Variants in KLF6 observed in about 807,000 individuals in gnomAD.
The protein encoded by KLF6 is KLF transcription factor 6.
For missense variants in KLF6, 233 were observed against 359.8 expected (o/e 0.65, Z 2.85); for synonymous variants, 152 against 147.9 (o/e 1.03, Z -0.20).
In KLF6 at chr10:3,780,025, G is replaced by T. The variant is rs967160785; in HGVS notation, c.800+81C>A. ...AAACTGCATGCCTTCCTTCGAATGT[G>T]CCCTGCACACCTACTCAACCCTGGT... On this transcript the variant is annotated intron_variant, in intron 3 of 3. Coordinates refer to ENST00000497571, the MANE Select transcript of KLF6 (RefSeq NM_001300.6). This position sits in a 1 kb window ranked among gnomAD's most constrained non-coding sequence, Gnocchi z 4.6. 3 of 1,546,104 alleles carry T rather than the reference G, an allele frequency of 1.9e-6. No individual in the cohort carries two copies. The highest frequency in any genetic ancestry group is 2.7e-5 in the African/African-American group (2 of 73,628).
At chr10:3,783,482 G>A (rs1447733722) in intron 1 of KLF6, among the ~76,000 whole-genome samples, 1 of 152,022 alleles carries the variant, frequency 6.6e-6, no homozygotes, top group Non-Finnish European at 1.5e-5. Flanking sequence ...CCTACCCCAG[G>A]GGCTCAGGCT....
intron 3 of KLF6, 98 bp from the exon 4 acceptor site, chr10:3,779,688 C>A (rs1564294720): frequency 1.8e-6 from 2 of 1,102,376 alleles, no homozygotes; most frequent in Admixed American, 1.9e-5. Context: ...CCCAGCCTAA[C>A]CCCCTGCAGG....
At position 3,778,474 on chromosome 10, in the gene KLF6, C is replaced by T. The variant is rs1169839393; in HGVS notation, c.*1065G>A. The T allele has an allele frequency of 3.8e-6, 2 of 525,512 alleles. No homozygotes were observed. The highest frequency in any genetic ancestry group is 4.1e-5 in the East Asian group (1 of 24,576). The allele number at this position is 525,512 out of a possible 1,614,324, so 32.6% of individuals were successfully genotyped here. A position where few individuals can be genotyped will look rare whatever the true frequency, so the allele number is the denominator to read the frequency against. ...GAAACATTAGACCAGCAATTCCCAG[C>T]CCCAGCTTTGTGACACTCAATACGT... On this transcript the variant is annotated 3_prime_UTR_variant, in exon 4 of 4. Coordinates refer to ENST00000497571, the MANE Select transcript of KLF6 (RefSeq NM_001300.6).
rs1383467654 is a variant in KLF6, at chr10:3,782,404, G to GT, written c.103-191dup. ...TTAGAGGAAATCTGTTTCTAGAATG[G>GT]TAAGAATTCAGAGGAAAAGTCGGAG... On this transcript the variant is annotated intron_variant, in intron 1 of 3. Coordinates refer to ENST00000497571, the MANE Select transcript of KLF6 (RefSeq NM_001300.6). This position sits in a 1 kb window ranked among gnomAD's most constrained non-coding sequence, Gnocchi z 4.3. Among the ~76,000 whole-genome samples the GT allele has an allele frequency of 6.6e-6, 1 of 152,248 alleles. No homozygotes were observed. The highest frequency in any genetic ancestry group is 1.5e-5 in the Non-Finnish European group (1 of 68,046).
rs1832622327 is a variant in KLF6, at chr10:3,785,098, G to A, written c.-84C>T. ...CCGGAGCCGAAAGTCTCCCCGGAGC[G>A]CAGGTGAAAGTTTCATGCAAACTCC... is the stretch of plus-strand genomic sequence containing the variant. On this transcript the variant is annotated 5_prime_UTR_variant, in exon 1 of 4. Coordinates refer to ENST00000497571, the MANE Select transcript of KLF6 (RefSeq NM_001300.6). The A allele has an allele frequency of 1.9e-6, 3 of 1,589,836 alleles. No individual in the cohort carries two copies. The highest frequency in any genetic ancestry group is 2.6e-6 in the Non-Finnish European group (3 of 1,169,214).
chr10:3,784,611 A>C (rs1018559230), intron 1 of KLF6, among the ~76,000 whole-genome samples: 3 of 151,912 alleles, frequency 2.0e-5, no homozygotes, highest in Admixed American at 6.6e-5. Context: ...CAAAAAAAAA[A>C]CACCTTGGCA....
rs776530522 is a variant in KLF6 at position 3,785,027 on chromosome 10, T to A, written c.-13A>T. 5 of 1,610,880 alleles carry A rather than the reference T, an allele frequency of 3.1e-6. No homozygotes were observed. The South Asian group carries it at 4.4e-5, about 14-fold the overall frequency. Reference sequence around the variant, plus strand: ...GGAGCACGTCCATGTCGGGCCGGGTTGGACGGAGCCCGCGGTCGCGAGGGC... The same window carrying A: ...GGAGCACGTCCATGTCGGGCCGGGTAGGACGGAGCCCGCGGTCGCGAGGGC... On this transcript the variant is annotated 5_prime_UTR_variant, in exon 1 of 4. Transcript: ENST00000497571.
At chr10:3,779,735 C>T in intron 3 of KLF6, 145 bp from the exon 4 acceptor site, 1 of 763,292 alleles carries the variant, frequency 1.3e-6, no homozygotes. Flanking sequence ...TCATCAGTGT[C>T]TTCAGGGACA....
At position 3,781,455 on chromosome 10, in the gene KLF6, T is replaced by C; in HGVS notation, c.676+186A>G. 6.5e-7 allele frequency: 1 copy of C among 1,536,326 alleles called. No individual in the cohort carries two copies. Among genetic ancestry groups the C allele is most frequent in the South Asian group, 1.2e-5 (1 of 82,234 alleles). ...GTTACACATTTATCCAACTCAAAAG[T>C]CCAGTCTTTAGGATTCTACTCTGAA... On this transcript the variant is annotated intron_variant, in intron 2 of 3. Transcript: ENST00000497571. This position sits in a 1 kb window ranked among gnomAD's most constrained non-coding sequence, Gnocchi z 5.8.
In KLF6 at chr10:3,777,117, C is replaced by T. The variant is rs759926664; in HGVS notation, c.*2422G>A. On this transcript the variant is annotated 3_prime_UTR_variant, in exon 4 of 4. Transcript: ENST00000497571. ...AATGAGTTTCTTAGGTAAATGTATT[C>T]ATCAGCCCAGATAAAAAAAAAACCA... The T allele has an allele frequency of 4.8e-5, 24 of 505,222 alleles. No individual in the cohort carries two copies. Among genetic ancestry groups the T allele is most frequent in the Middle Eastern group, 1.1e-3 (2 of 1,796 alleles). 31.3% of individuals were successfully genotyped at this position (505,222 alleles called of 1,614,324 possible). A position where few individuals can be genotyped will look rare whatever the true frequency, so the allele number is the denominator to read the frequency against.
rs878977269 is a variant in KLF6 at position 3,779,041 on chromosome 10, G to GT, written c.*497dup. On this transcript the variant is annotated 3_prime_UTR_variant, in exon 4 of 4. Coordinates refer to ENST00000497571, the MANE Select transcript of KLF6 (RefSeq NM_001300.6). ...CTTCTTTTTTTGTTTTTGTTTTTTT[G>GT]TTTTTTTGATTTTTCTTTTTTTTTC... is the stretch of plus-strand genomic sequence containing the variant. 9 of 525,290 alleles carry GT rather than the reference G, an allele frequency of 1.7e-5. No homozygotes were observed. Among genetic ancestry groups the GT allele is most frequent in the African/African-American group, 1.7e-4 (9 of 52,634 alleles). 32.5% of individuals were successfully genotyped at this position (525,290 alleles called of 1,614,324 possible).
chr10:3,777,916 T>G lies in KLF6; in HGVS notation c.*1623A>C. On this transcript the variant is annotated 3_prime_UTR_variant, in exon 4 of 4. Transcript: ENST00000497571. ...TGCCTTTTAAGCAAATACATTAACA[T>G]TGGGGGTTTTTTAATACTTCTGTAT... 2.0e-6 allele frequency: 1 copy of G among 488,086 alleles called. No individual in the cohort carries two copies. Among genetic ancestry groups the G allele is most frequent in the Non-Finnish European group, 4.0e-6 (1 of 248,082 alleles). The allele number at this position is 488,086 out of a possible 1,614,324, so 30.2% of individuals were successfully genotyped here. A position where few individuals can be genotyped will look rare whatever the true frequency, so the allele number is the denominator to read the frequency against.
In KLF6 at chr10:3,779,282, G is replaced by A. The variant is rs770375415; in HGVS notation, c.*257C>T. On this transcript the variant is annotated 3_prime_UTR_variant, in exon 4 of 4. Transcript: ENST00000497571. Reference sequence around the variant, plus strand: ...TAGCATTCTCAGTGTGCATGCTCACGGCAAAGGCTTAGGCGCCGCTCGGAA... The same window carrying A: ...TAGCATTCTCAGTGTGCATGCTCACAGCAAAGGCTTAGGCGCCGCTCGGAA... The A allele has an allele frequency of 6.4e-5, 41 of 639,780 alleles. No individual in the cohort carries two copies. The highest frequency in any genetic ancestry group is 6.4e-4 in the East Asian group (21 of 32,808). 39.6% of individuals were successfully genotyped at this position (639,780 alleles called of 1,614,324 possible).
In KLF6 at chr10:3,784,886, C is replaced by T. The variant is rs375160262; in HGVS notation, c.102+27G>A. On this transcript the variant is annotated intron_variant, in intron 1 of 3. Coordinates refer to ENST00000497571, the MANE Select transcript of KLF6 (RefSeq NM_001300.6). ...GACCCGGCCCGCGCCCCGGCGCCCG[C>T]AGGGAACCGCGGCCGGCTGCGTTTA... 606 of 1,588,292 alleles carry T rather than the reference C, an allele frequency of 3.8e-4. 1 individual carries two copies. The highest frequency in any genetic ancestry group is 4.7e-4 in the Non-Finnish European group (551 of 1,168,150).
At chr10:3,784,244 G>T (rs1832596745) in intron 1 of KLF6, among the ~76,000 whole-genome samples, 1 of 152,144 alleles carries the variant, frequency 6.6e-6, no homozygotes, top group African/African-American at 2.4e-5. Flanking sequence ...CCAGTTCTAC[G>T]ACAATGTCGG....
In KLF6 at chr10:3,777,402, C is replaced by T. The variant is rs965931625; in HGVS notation, c.*2137G>A. On this transcript the variant is annotated 3_prime_UTR_variant, in exon 4 of 4. Coordinates refer to ENST00000497571, the MANE Select transcript of KLF6 (RefSeq NM_001300.6). ...TCTACAAAAGAATCCCTGTGGTTAG[C>T]TTACTCTTAGGTTAGATCTTCTAAT... 2.0e-6 allele frequency: 1 copy of T among 510,788 alleles called. No individual in the cohort carries two copies. The highest frequency in any genetic ancestry group is 1.9e-5 in the African/African-American group (1 of 52,632). 31.6% of individuals were successfully genotyped at this position (510,788 alleles called of 1,614,324 possible). A position where few individuals can be genotyped will look rare whatever the true frequency, so the allele number is the denominator to read the frequency against.
chr10:3,781,569 C>T lies in KLF6; in HGVS notation c.676+72G>A. The T allele has an allele frequency of 1.3e-6, 2 of 1,589,840 alleles. No homozygotes were observed. Among genetic ancestry groups the T allele is most frequent in the South Asian group, 1.1e-5 (1 of 88,744 alleles). ...CCACATCCTGTGCAGCCAGGCCCGG[C>T]TCCCTCCAGGGCTGGTGCAATGCAG... On this transcript the variant is annotated intron_variant, in intron 2 of 3. Transcript: ENST00000497571. This position sits in a 1 kb window ranked among gnomAD's most constrained non-coding sequence, Gnocchi z 5.8.
chr10:3,784,889 G>A (rs748543486), intron 1 of KLF6, 24 bp downstream of exon 1: 4 of 1,589,558 alleles, frequency 2.5e-6, no homozygotes, highest in Non-Finnish European at 3.4e-6. Flanking sequence ...GCGCCCGCAG[G>A]GAACCGCGGC....
rs1714871947 is a variant in KLF6 at position 3,781,407 on chromosome 10, CTTGT to C, written c.676+230_676+233del. On this transcript the variant is annotated intron_variant, in intron 2 of 3. Coordinates refer to ENST00000497571, the MANE Select transcript of KLF6 (RefSeq NM_001300.6). The surrounding 1 kb of genome is among the most constrained non-coding windows in gnomAD (Gnocchi z 5.8). ...GTCCGTGGAGAAAAGGATCTAGTCTCTTGTTTGTTTAATCTGAAAATTGTTACAC... is the reference window on the plus strand; with the variant it reads ...GTCCGTGGAGAAAAGGATCTAGTCTCTTGTTTAATCTGAAAATTGTTACAC... The C allele has an allele frequency of 2.7e-6, 4 of 1,492,806 alleles. No homozygotes were observed. The highest frequency in any genetic ancestry group is 2.5e-5 in the East Asian group (1 of 40,456). 92.5% of individuals were successfully genotyped at this position (1,492,806 alleles called of 1,614,324 possible).
Sources: gnomAD v4.1 joint callset for allele counts (sites outside exome capture counted in the v4.1 genomes callset) on GRCh38, gnomAD v4.1.1 for gene constraint, Gnocchi (gnomAD v3.1) non-coding constraint, MANE v1.5 for transcripts, NCBI Gene and HGNC (gene_info 2026-07-23, HGNC 2026-07-21) for gene names.